The following NLGN1 variants were observed in gnomAD, a reference collection of about 807,000 sequenced individuals.
NLGN1 encodes the protein neuroligin 1.
A neutral mutation model predicts 65.5 loss-of-function variants in NLGN1; 12 were observed. The observed-to-expected ratio is 0.18, with a 90% CI of 0.12 to 0.30. The LOEUF (loss-of-function observed/expected upper bound fraction) is 0.30. NLGN1 is among the 10% of genes least tolerant of loss of function. NLGN1 has a pLI of 1.00. For synonymous variants in NLGN1, 350 were observed against 359.5 expected, an observed-to-expected ratio of 0.97 and a Z score of 0.30; for missense variants, 750 against 1,007.1, an observed-to-expected ratio of 0.74 and a Z score of 3.46.
chr3:173,946,664 C>A (rs1747211121), intron 4 of NLGN1, among the ~76,000 whole-genome samples: 1 of 152,082 alleles, frequency 6.6e-6, no homozygotes, highest in South Asian at 2.1e-4. Flanking sequence ...TGCAAACTGC[C>A]CTACCGAAAG....
intron 4 of NLGN1, among the ~76,000 whole-genome samples, chr3:173,889,462 C>T (rs1245925779): frequency 5.3e-5 from 8 of 152,022 alleles, no homozygotes; most frequent in Admixed American, 5.2e-4. Flanking sequence ...GAGTTAATAC[C>T]TTTTACTACA....
chr3:173,591,210 A>G (rs1748424401), intron 2 of NLGN1, among the ~76,000 whole-genome samples: 1 of 152,082 alleles, frequency 6.6e-6, no homozygotes, highest in African/African-American at 2.4e-5. Flanking sequence ...ATTCTATTCT[A>G]TTCATTAATA....
intron 4 of NLGN1, among the ~76,000 whole-genome samples, chr3:173,953,461 C>T (rs1158137940): frequency 6.6e-6 from 1 of 152,178 alleles, no homozygotes; most frequent in Non-Finnish European, 1.5e-5. Context: ...GGGCACTAAA[C>T]TAAGGTGACC....
intron 3 of NLGN1, among the ~76,000 whole-genome samples, chr3:173,663,978 A>G: frequency 6.6e-6 from 1 of 151,948 alleles, no homozygotes; most frequent in Admixed American, 6.6e-5. Context: ...CCCCTTTAGC[A>G]AAATGTTGGG....
At chr3:174,028,650 A>G (rs1012273341) in intron 4 of NLGN1, among the ~76,000 whole-genome samples, 8 of 152,272 alleles carry the variant, frequency 5.3e-5, no homozygotes, top group African/African-American at 1.9e-4. Flanking sequence ...GAAGCAGCGT[A>G]TAAAAGTTGG....
intron 3 of NLGN1, among the ~76,000 whole-genome samples, chr3:173,615,083 T>G (rs1442711791): frequency 6.6e-6 from 1 of 152,118 alleles, no homozygotes; most frequent in Non-Finnish European, 1.5e-5. Flanking sequence ...CTCCGCAGTT[T>G]AGCAAAGGGT....
chr3:173,789,963 T>C (rs1712304243), intron 3 of NLGN1: 2 of 447,484 alleles, frequency 4.5e-6, no homozygotes, highest in African/African-American at 2.0e-5. Flanking sequence ...GTCCCTACCC[T>C]TGTCTTTTTT....
intron 2 of NLGN1, among the ~76,000 whole-genome samples, chr3:173,490,734 T>A (rs908076065): frequency 2.1e-4 from 32 of 152,320 alleles, no homozygotes; most frequent in Middle Eastern, 6.8e-3. Context: ...GAGCATGGGA[T>A]GTTCTTCCAT....
At chr3:173,614,972 A>C (rs1752840087) in intron 3 of NLGN1, among the ~76,000 whole-genome samples, 1 of 152,132 alleles carries the variant, frequency 6.6e-6, no homozygotes, top group African/African-American at 2.4e-5. Context: ...TATTTCCTAA[A>C]ATGGCCGCTT....
chr3:173,897,770 A>T (rs1736589642), intron 4 of NLGN1, among the ~76,000 whole-genome samples: 1 of 152,148 alleles, frequency 6.6e-6, no homozygotes, highest in Non-Finnish European at 1.5e-5. Context: ...AGCTTTAGGG[A>T]CTCAGTTCTA....
chr3:173,629,486 A>G (rs528760315), intron 3 of NLGN1, among the ~76,000 whole-genome samples: 25 of 152,298 alleles, frequency 1.6e-4, no homozygotes, highest in African/African-American at 5.5e-4. Context: ...TTAATTAACA[A>G]TATTTTTAAA....
At chr3:173,950,816 A>G (rs1308744218) in intron 4 of NLGN1, among the ~76,000 whole-genome samples, 1 of 151,992 alleles carries the variant, frequency 6.6e-6, no homozygotes, top group Non-Finnish European at 1.5e-5. Context: ...CTCAAAAAAA[A>G]AAAAAAGGTC....
At chr3:173,697,876 T>C (rs1377244738) in intron 3 of NLGN1, among the ~76,000 whole-genome samples, 2 of 152,220 alleles carry the variant, frequency 1.3e-5, no homozygotes, top group East Asian at 3.9e-4. Flanking sequence ...CTATTCCCCT[T>C]TATAGGTCAG....
At chr3:173,959,992 A>AT (rs1337154298) in intron 4 of NLGN1, among the ~76,000 whole-genome samples, 1 of 151,958 alleles carries the variant, frequency 6.6e-6, no homozygotes, top group Non-Finnish European at 1.5e-5. Flanking sequence ...TTATACTGAG[A>AT]TTTGTATATC....
At chr3:173,856,663 A>G (rs1295792767) in intron 4 of NLGN1, among the ~76,000 whole-genome samples, 1 of 152,136 alleles carries the variant, frequency 6.6e-6, no homozygotes, top group Non-Finnish European at 1.5e-5. Flanking sequence ...GGAAAGGTTG[A>G]TGATCTTTCC....
chr3:174,100,106 A>C (rs1712059384), intron 4 of NLGN1, among the ~76,000 whole-genome samples: 1 of 152,160 alleles, frequency 6.6e-6, no homozygotes, highest in South Asian at 2.1e-4. Flanking sequence ...GAGCAAAATA[A>C]GGTGAAAAAA....
chr3:173,420,142 T>G (rs1367880379), intron 1 of NLGN1, among the ~76,000 whole-genome samples: 1 of 151,840 alleles, frequency 6.6e-6, no homozygotes, highest in East Asian at 1.9e-4. Context: ...TTGTTACATA[T>G]GTATACATGT....
At chr3:173,718,844 C>T (rs1209606119) in intron 3 of NLGN1, among the ~76,000 whole-genome samples, 1 of 152,112 alleles carries the variant, frequency 6.6e-6, no homozygotes, top group Admixed American at 6.6e-5. Flanking sequence ...ATACCAGAAA[C>T]TTTCCTGTTT....
intron 4 of NLGN1, among the ~76,000 whole-genome samples, chr3:173,892,012 TAAC>T (rs1735434498): frequency 1.3e-5 from 2 of 152,212 alleles, no homozygotes; most frequent in African/African-American, 2.4e-5. Flanking sequence ...ACAGGAAAAA[TAAC>T]AATCACCTGA....
Sources: allele counts gnomAD v4.1 joint callset (sites outside exome capture counted in the v4.1 genomes callset), GRCh38; gene constraint gnomAD v4.1.1; transcripts MANE v1.5; gene names NCBI Gene and HGNC (gene_info 2026-07-23, HGNC 2026-07-21).